Variants in ABI3BP observed in about 807,000 individuals in gnomAD.
The protein encoded by ABI3BP is ABI family member 3 binding protein.
A neutral mutation model predicts 268.6 loss-of-function variants in ABI3BP; 216 were observed. The ratio of observed to expected loss-of-function variants is 0.80; its 90% CI spans 0.72 to 0.90. The LOEUF (loss-of-function observed/expected upper bound fraction) is 0.90. Ranked by LOEUF, ABI3BP falls within the 40% of genes least tolerant of loss-of-function variation. ABI3BP has a pLI of 0.00. For missense variants in ABI3BP, 2,090 were observed against 2,182.4 expected, an observed-to-expected ratio of 0.96 and a Z score of 0.84; for synonymous variants, 730 against 730.0, an observed-to-expected ratio of 1.00 and a Z score of 0.00.
chr3:100,853,532 T>TTGTTGC (rs2098892299), intron 14 of ABI3BP, among the ~76,000 whole-genome samples: 1 of 152,222 alleles, frequency 6.6e-6, no homozygotes, highest in South Asian at 2.1e-4. Flanking sequence ...TTTATTTCTA[T>TTGTTGC]TGTTGCTTTT....
intron 1 of ABI3BP, among the ~76,000 whole-genome samples, chr3:100,930,331 C>T (rs761502848): frequency 1.3e-5 from 2 of 151,908 alleles, no homozygotes; most frequent in Admixed American, 1.3e-4. Context: ...AGAAGGTAAA[C>T]ATTTTGGGAA....
intron 50 of ABI3BP, among the ~76,000 whole-genome samples, chr3:100,807,101 G>T (rs1042497275): frequency 2.0e-5 from 3 of 151,652 alleles, no homozygotes; most frequent in African/African-American, 7.3e-5. Flanking sequence ...CTCCCCATTT[G>T]TTTTCTACTT....
intron 14 of ABI3BP, 71 bp from the exon 15 acceptor site, chr3:100,852,011 TACA>T: frequency 7.5e-7 from 1 of 1,342,276 alleles, no homozygotes. Context: ...TTAGAAAGAT[TACA>T]TGACATGTTG....
At chr3:100,752,382 C>A in intron 66 of ABI3BP, 1 of 157,640 alleles carries the variant, frequency 6.3e-6, no homozygotes, top group East Asian at 1.9e-4. Flanking sequence ...AAATTATAAC[C>A]TATTGGGCAC....
intron 1 of ABI3BP, among the ~76,000 whole-genome samples, chr3:100,973,074 T>C (rs997928482): frequency 1.3e-5 from 2 of 152,168 alleles, no homozygotes; most frequent in African/African-American, 2.4e-5. Context: ...CTTCACTGTT[T>C]AAGCAGGCCC....
chr3:100,869,481 T>G (rs2099089879), intron 9 of ABI3BP, among the ~76,000 whole-genome samples: 1 of 151,710 alleles, frequency 6.6e-6, no homozygotes, highest in South Asian at 2.1e-4. Flanking sequence ...TCCCTAGTAG[T>G]AGCTGGGACT....
chr3:100,822,231 A>C (rs540354101), intron 38 of ABI3BP, among the ~76,000 whole-genome samples: 1 of 152,338 alleles, frequency 6.6e-6, no homozygotes, highest in African/African-American at 2.4e-5. Context: ...CATCTGATGT[A>C]TACCCCAAAT....
At chr3:100,816,168 C>A (rs1015686564) in intron 43 of ABI3BP, 197 bp from the exon 44 acceptor site, 11 of 533,040 alleles carry the variant, frequency 2.1e-5, no homozygotes, top group Non-Finnish European at 3.3e-5. Context: ...TAGTTACAAC[C>A]TTTGAACTCT....
intron 34 of ABI3BP, among the ~76,000 whole-genome samples, chr3:100,828,135 G>A (rs574382222): frequency 1.8e-4 from 28 of 152,204 alleles, no homozygotes; most frequent in East Asian, 1.5e-3. Flanking sequence ...AGAACCTCGC[G>A]AGAATATGTC....
intron 4 of ABI3BP, among the ~76,000 whole-genome samples, chr3:100,892,513 T>A (rs928052359): frequency 6.6e-6 from 1 of 152,230 alleles, no homozygotes; most frequent in African/African-American, 2.4e-5. Context: ...AGTTACCTGG[T>A]TATTGTGATG....
At position 100,835,374 on chromosome 3, in the gene ABI3BP, T is replaced by C. The variant is rs368243916; in HGVS notation, c.2191+227A>G. ...GTCAAGCATTAATAAAGCTGGATAA[T>C]ATGGGAAAAATGGGACACAGATGCT... On this transcript the variant is annotated intron_variant, in intron 28 of 67. Coordinates refer to ENST00000471714, the MANE Select transcript of ABI3BP (RefSeq NM_001375547.2). Among the ~76,000 whole-genome samples the C allele has an allele frequency of 3.6e-4, 55 of 152,276 alleles. 1 individual carries two copies. In the South Asian group the frequency reaches 7.3e-3, roughly 20 times the overall value.
chr3:100,905,524 G>A (rs1477348325), intron 2 of ABI3BP, among the ~76,000 whole-genome samples: 1 of 111,948 alleles, frequency 8.9e-6, no homozygotes, highest in Admixed American at 1.1e-4. Flanking sequence ...AAAGATAAGG[G>A]CACTCTTAGT....
chr3:100,938,887 T>A (rs1162038881), intron 1 of ABI3BP, among the ~76,000 whole-genome samples: 1 of 151,974 alleles, frequency 6.6e-6, no homozygotes. Context: ...ACAAAGTAGG[T>A]AAAAGGAATT....
At chr3:100,783,010 T>C (rs7648469) in intron 57 of ABI3BP, among the ~76,000 whole-genome samples, 18,495 of 152,200 alleles carry the variant, frequency 0.12, 1,978 homozygotes, top group African/African-American at 0.29. Context: ...ATTTACATAG[T>C]TCACCCCTCA....
rs143214125 is a variant in ABI3BP, at chr3:100,898,694, C to G, written c.461+68G>C. 8.6e-4 allele frequency: 1,304 copies of G among 1,524,278 alleles called. 10 individuals are homozygous for G. In the African/African-American group the frequency reaches 0.014, roughly 17 times the overall value. 94.4% of individuals were successfully genotyped at this position (1,524,278 alleles called of 1,614,324 possible). A position where few individuals can be genotyped will look rare whatever the true frequency, so the allele number is the denominator to read the frequency against. On this transcript the variant is annotated intron_variant, in intron 4 of 67. Transcript: ENST00000471714. ...CTAAGAGGTGTTAAGTCAATGCTAA[C>G]AGTCCTGATACTTACATATTCTTCT...
chr3:100,991,892 T>C (rs946384920), intron 1 of ABI3BP, among the ~76,000 whole-genome samples: 27 of 152,186 alleles, frequency 1.8e-4, no homozygotes, highest in African/African-American at 6.3e-4. Context: ...GTAACAAAGT[T>C]GCACCTATAT....
chr3:100,776,156 G>A (rs143678149), intron 59 of ABI3BP, among the ~76,000 whole-genome samples: 4 of 152,280 alleles, frequency 2.6e-5, no homozygotes, highest in Admixed American at 1.3e-4. Context: ...GTTTGGAGTC[G>A]AAAGGAGACT....
intron 51 of ABI3BP, among the ~76,000 whole-genome samples, chr3:100,799,191 A>T (rs979501528): frequency 6.6e-6 from 1 of 152,036 alleles, no homozygotes; most frequent in Non-Finnish European, 1.5e-5. Context: ...TTCCTTTAAT[A>T]AAAAAACTAT....
chr3:100,753,963 G>A (rs542674359), intron 64 of ABI3BP, 115 bp from the exon 65 acceptor site: 78 of 1,057,328 alleles, frequency 7.4e-5, no homozygotes, highest in Admixed American at 2.5e-4. Flanking sequence ...TTGCAAAATG[G>A]TACTCTTTTG....
Sources: allele counts gnomAD v4.1 joint callset (sites outside exome capture counted in the v4.1 genomes callset), GRCh38; gene constraint gnomAD v4.1.1; transcripts MANE v1.5; gene names NCBI Gene and HGNC (gene_info 2026-07-23, HGNC 2026-07-21).